MGMT: variants seen among roughly 807,000 people sequenced by gnomAD.
The protein encoded by MGMT is O-6-methylguanine-DNA methyltransferase, also known as methylated-DNA--protein-cysteine methyltransferase.
A neutral mutation model predicts 15.9 loss-of-function variants in MGMT; 14 were observed. That is an observed-to-expected ratio of 0.88 (90% CI 0.58 to 1.37). The LOEUF (loss-of-function observed/expected upper bound fraction) is 1.37, where lower values mean the gene tolerates loss of function less well. Among genes scored for constraint, MGMT ranks in the 40% most tolerant of loss-of-function variants. The probability of loss-of-function intolerance (pLI) is 0.00; values close to 1 mark genes in which losing one functional copy is unlikely to be tolerated. For missense variants in MGMT, 282 were observed against 268.1 expected (o/e 1.05, Z -0.36); for synonymous variants, 130 against 118.2 (o/e 1.10, Z -0.65).
At chr10:129,626,178 T>A (rs1249865060) in intron 2 of MGMT, among the ~76,000 whole-genome samples, 1 of 152,192 alleles carries the variant, frequency 6.6e-6, no homozygotes, top group Non-Finnish European at 1.5e-5. Flanking sequence ...GAAGAGCCAC[T>A]GGAGTTTATC....
intron 2 of MGMT, among the ~76,000 whole-genome samples, chr10:129,564,918 C>A (rs1228302664): frequency 6.6e-6 from 1 of 152,076 alleles, no homozygotes; most frequent in East Asian, 2.0e-4. Context: ...CCTCAGGGTC[C>A]CTTCCTCCAG....
At chr10:129,527,360 G>A (rs571761458) in intron 1 of MGMT, among the ~76,000 whole-genome samples, 24 of 152,324 alleles carry the variant, frequency 1.6e-4, no homozygotes, top group Admixed American at 1.2e-3. Context: ...CTTCCACGTC[G>A]CTGTTTATTC....
chr10:129,530,065 A>G lies in MGMT; in HGVS notation c.-12-6176A>G, dbSNP rs972277207. 2.0e-5 allele frequency among the ~76,000 whole-genome samples: 3 copies of G among 151,600 alleles called. No homozygotes were observed. The East Asian group carries it at 5.8e-4, about 29-fold the overall frequency. Reference sequence around the variant, plus strand: ...ACAGGCACATGCCACCAGCCTGGCTAATGTTTTTATGTTTTTTAGTAGAGC... The same window carrying G: ...ACAGGCACATGCCACCAGCCTGGCTGATGTTTTTATGTTTTTTAGTAGAGC... On this transcript the variant is annotated intron_variant, in intron 1 of 4. Coordinates refer to ENST00000651593, the MANE Select transcript of MGMT (RefSeq NM_002412.5).
At chr10:129,744,338 A>C (rs1291469428) in intron 3 of MGMT, among the ~76,000 whole-genome samples, 1 of 152,234 alleles carries the variant, frequency 6.6e-6, no homozygotes, top group Non-Finnish European at 1.5e-5. Context: ...TATGAGCTCC[A>C]TGGCATACAG....
chr10:129,539,495 T>C (rs1178689381), intron 2 of MGMT, among the ~76,000 whole-genome samples: 1 of 152,168 alleles, frequency 6.6e-6, no homozygotes, highest in East Asian at 1.9e-4. Context: ...AGCTTTGTGA[T>C]ACATCTTTTG....
At chr10:129,549,525 A>C in intron 2 of MGMT, among the ~76,000 whole-genome samples, 1 of 152,226 alleles carries the variant, frequency 6.6e-6, no homozygotes, top group East Asian at 1.9e-4. Flanking sequence ...CCCCATCTGC[A>C]TCTATTATTA....
chr10:129,578,290 C>G (rs1431778182), intron 2 of MGMT, among the ~76,000 whole-genome samples: 1 of 152,130 alleles, frequency 6.6e-6, no homozygotes, highest in African/African-American at 2.4e-5. Context: ...ACCCAAATGT[C>G]CAACAATGAT....
chr10:129,534,375 A>T (rs2119755726), intron 1 of MGMT, among the ~76,000 whole-genome samples: 1 of 152,168 alleles, frequency 6.6e-6, no homozygotes, highest in South Asian at 2.1e-4. Context: ...GGCACATCCC[A>T]TTTCCATATT....
rs1564745078 is a variant in MGMT at position 129,639,835 on chromosome 10, CAA to C, written c.126-68058_126-68057del. Among the ~76,000 whole-genome samples, 3 of 148,030 alleles carry C rather than the reference CAA, an allele frequency of 2.0e-5. 1 individual carries two copies. In the South Asian group the frequency reaches 6.4e-4, roughly 32 times the overall value. On this transcript the variant is annotated intron_variant, in intron 2 of 4. Transcript: ENST00000651593. ...AGGAAGGAGATAATAAAGATAAAAA[CAA>C]AGATGAATAAACATGGAAAACAGAA...
intron 2 of MGMT, among the ~76,000 whole-genome samples, chr10:129,609,693 C>T (rs1846937001): frequency 6.6e-6 from 1 of 152,202 alleles, no homozygotes; most frequent in Non-Finnish European, 1.5e-5. Flanking sequence ...CCTGGTGCTT[C>T]TTTGCTCAGA....
intron 1 of MGMT, among the ~76,000 whole-genome samples, chr10:129,508,255 A>G (rs1024413159): frequency 1.3e-5 from 2 of 152,144 alleles, no homozygotes; most frequent in Non-Finnish European, 1.5e-5. Flanking sequence ...GGAAGCCGCC[A>G]TAGAGATAGC....
At chr10:129,664,467 A>G (rs1023188958) in intron 2 of MGMT, among the ~76,000 whole-genome samples, 8 of 152,206 alleles carry the variant, frequency 5.3e-5, no homozygotes, top group Admixed American at 2.0e-4. Flanking sequence ...AATCAGCATC[A>G]TCTATATGGA....
At chr10:129,672,817 T>C (rs1847739671) in intron 2 of MGMT, among the ~76,000 whole-genome samples, 1 of 152,198 alleles carries the variant, frequency 6.6e-6, no homozygotes, top group Admixed American at 6.5e-5. Flanking sequence ...TCTGCCATTT[T>C]TGTTCATATT....
chr10:129,508,811 T>C (rs1283714695), intron 1 of MGMT, among the ~76,000 whole-genome samples: 2 of 152,108 alleles, frequency 1.3e-5, no homozygotes, highest in South Asian at 2.1e-4. Context: ...CCTCCCAAAG[T>C]GCTGGGATTA....
chr10:129,746,499 A>G (rs1361344130), intron 3 of MGMT, among the ~76,000 whole-genome samples: 1 of 152,018 alleles, frequency 6.6e-6, no homozygotes, highest in Non-Finnish European at 1.5e-5. Context: ...TAAGTAAGTC[A>G]TGAGATTTAC....
intron 1 of MGMT, among the ~76,000 whole-genome samples, chr10:129,517,699 A>C (rs1374881080): frequency 6.6e-6 from 1 of 152,114 alleles, no homozygotes; most frequent in Non-Finnish European, 1.5e-5. Flanking sequence ...GTTGCAGAGG[A>C]GGAAAAAGTC....
intron 2 of MGMT, among the ~76,000 whole-genome samples, chr10:129,544,470 C>T (rs1161965372): frequency 1.3e-5 from 2 of 152,230 alleles, no homozygotes; most frequent in African/African-American, 4.8e-5. Context: ...GGGTGTAGCC[C>T]CGTGCACAGT....
intron 3 of MGMT, among the ~76,000 whole-genome samples, chr10:129,739,249 A>G (rs1848602601): frequency 6.6e-6 from 1 of 152,226 alleles, no homozygotes; most frequent in African/African-American, 2.4e-5. Flanking sequence ...GCACAAGACA[A>G]GGATGCAGTC....
chr10:129,590,719 G>T (rs146170113), intron 2 of MGMT, among the ~76,000 whole-genome samples: 1 of 152,190 alleles, frequency 6.6e-6, no homozygotes, highest in Non-Finnish European at 1.5e-5. Flanking sequence ...GCAAGATAGG[G>T]TATACGGGCA....
Sources: gnomAD v4.1 joint callset for allele counts (sites outside exome capture counted in the v4.1 genomes callset) on GRCh38, gnomAD v4.1.1 for gene constraint, MANE v1.5 for transcripts, NCBI Gene and HGNC (gene_info 2026-07-23, HGNC 2026-07-21) for gene names.